The following TRIM16 variants were observed in gnomAD, a reference collection of about 807,000 sequenced individuals.
TRIM16 encodes the protein tripartite motif-containing protein 16.
TRIM16 carries 33 observed loss-of-function variants against 50.4 expected under a neutral mutation model. The observed-to-expected ratio is 0.65, with a 90% CI of 0.50 to 0.88. The LOEUF is 0.88. Among genes scored for constraint, TRIM16 ranks in the 40% least tolerant of loss-of-function variants. The probability of loss-of-function intolerance (pLI) is 0.00; values close to 1 mark genes in which losing one functional copy is unlikely to be tolerated. For missense variants in TRIM16, 581 were observed against 686.8 expected (o/e 0.85, Z 1.72); for synonymous variants, 229 against 270.7 (o/e 0.85, Z 1.51).
chr17:15,654,176 C>T (rs760055698), intron 6 of TRIM16: 3 of 152,140 alleles, frequency 2.0e-5, no homozygotes, highest in Admixed American at 6.5e-5. Flanking sequence ...TTCAGAAATC[C>T]GAGAGACCTA....
Position 15,631,647 on chromosome 17 carries a change from C to T in TRIM16, c.1083G>A (p.Glu361=). Residue 361 remains glutamate (E), a synonymous_variant, in exon 11 of 12, where the codon GAG becomes GAA. Coordinates refer to ENST00000649191, the MANE Select transcript of TRIM16 (RefSeq NM_001348119.1). ...GGAGGAACTGTTCCCTGGTGCTGGG[C>T]TCAGGTTTGGAAGTCCAATATTTGC... The part of the protein sequence containing the change: ...VQRKYWTSKP[E]PSTREQFLQY... 2 of 1,613,902 alleles carry T rather than the reference C, an allele frequency of 1.2e-6. No homozygotes were observed. Among genetic ancestry groups the T allele is most frequent in the Admixed American group, 1.7e-5 (1 of 60,016 alleles).
rs1466136768 is a variant in TRIM16, at chr17:15,629,026, C to A, written c.1284G>T (p.Arg428Ser). The change falls in exon 12 of 12, where the codon AGG (arginine) becomes AGT (serine). Residue 428 changes from arginine (R) to serine (S), a missense_variant. This residue lies in a region of TRIM16 where 450 missense variants were observed against 544.3 expected (regional missense o/e 0.83). Coordinates refer to ENST00000649191, the MANE Select transcript of TRIM16 (RefSeq NM_001348119.1). ...VLSQQSLYLH[R>S]YYFEVEIFGA... ...CGAAGATCTCCACCTCAAAATAGTA[C>A]CTGTGCAGGTACAGACTCTGCTGGG... 6 of 1,614,104 alleles carry A rather than the reference C, an allele frequency of 3.7e-6. No homozygotes were observed. The highest frequency in any genetic ancestry group is 5.1e-6 in the Non-Finnish European group (6 of 1,180,008).
intron 6 of TRIM16, among the ~76,000 whole-genome samples, chr17:15,667,532 CTTT>C (rs952338617): frequency 6.6e-6 from 1 of 151,258 alleles, no homozygotes; most frequent in Non-Finnish European, 1.5e-5. Context: ...GCAGAAGTAG[CTTT>C]TTTTTTCCCC....
chr17:15,670,915 A>C (rs1190650538), intron 6 of TRIM16, among the ~76,000 whole-genome samples: 17 of 152,268 alleles, frequency 1.1e-4, no homozygotes, highest in African/African-American at 3.9e-4. Context: ...ATATTGTCTA[A>C]TGTCTTCCCA....
chr17:15,665,083 C>T (rs1387805591), intron 6 of TRIM16, among the ~76,000 whole-genome samples: 3 of 151,128 alleles, frequency 2.0e-5, no homozygotes, highest in Admixed American at 2.0e-4. Context: ...TACTGTAAAC[C>T]ACCTGCTCAA....
rs906790202 is a variant in TRIM16 at position 15,641,568 on chromosome 17, G to T, written c.615+1153C>A. Among the ~76,000 whole-genome samples, 4 of 149,044 alleles carry T rather than the reference G, an allele frequency of 2.7e-5. 1 individual carries two copies. The East Asian group carries it at 8.1e-4, about 30-fold the overall frequency. On this transcript the variant is annotated intron_variant, in intron 8 of 11. Transcript: ENST00000649191. ...ACAAGACCCTCCATGTGGTTCTACA[G>T]GTTATCTTGAGCCTGGAAATCCATT...
chr17:15,677,335 T>C, intron 5 of TRIM16, 55 bp from the exon 6 acceptor site: 4 of 966,754 alleles, frequency 4.1e-6, no homozygotes, highest in Non-Finnish European at 4.9e-6. Context: ...AGGACCACTC[T>C]ATTCTCAGTC....
At chr17:15,663,725 C>A (rs965412800) in intron 6 of TRIM16, among the ~76,000 whole-genome samples, 6 of 152,208 alleles carry the variant, frequency 3.9e-5, no homozygotes, top group African/African-American at 1.4e-4. Flanking sequence ...TGTCTCCTTA[C>A]AGCTTGGGGT....
chr17:15,656,023 T>A (rs1380431624), intron 6 of TRIM16, among the ~76,000 whole-genome samples: 1 of 152,174 alleles, frequency 6.6e-6, no homozygotes, highest in Non-Finnish European at 1.5e-5. Flanking sequence ...GGAGACGGCA[T>A]CATGCTCAGG....
rs138041144 is a variant in TRIM16 at position 15,641,451 on chromosome 17, T to C, written c.615+1270A>G. The stretch of plus-strand genomic sequence containing the variant: ...ATGTCTTCATGCCCCTTGTGCATGG[T>C]AGCTATTGTAATAACTACCTCCCCT... On this transcript the variant is annotated intron_variant, in intron 8 of 11. Coordinates refer to ENST00000649191, the MANE Select transcript of TRIM16 (RefSeq NM_001348119.1). 8.5e-3 allele frequency among the ~76,000 whole-genome samples: 1,268 copies of C among 148,988 alleles called. 104 individuals carry two copies. The highest frequency in any genetic ancestry group is 0.03 in the African/African-American group (1,193 of 40,262).
In TRIM16 at chr17:15,638,258, T is replaced by TAAAA. The variant is rs535590168; in HGVS notation, c.616-1993_616-1990dup. ...AGAATTATCAATAAAAAAATAAATT[T>TAAAA]AAAAAAAAAAAAAAAAAAGAATTGG... On this transcript the variant is annotated intron_variant, in intron 8 of 11. Transcript: ENST00000649191. Among the ~76,000 whole-genome samples, 140 of 115,054 alleles carry TAAAA rather than the reference T, an allele frequency of 1.2e-3. 5 individuals are homozygous for TAAAA. Among genetic ancestry groups the TAAAA allele is most frequent in the Non-Finnish European group, 1.2e-3 (65 of 55,778 alleles). 75.5% of individuals were successfully genotyped at this position (115,054 alleles called of 152,430 possible).
Position 15,635,729 on chromosome 17 carries a change from A to G in TRIM16, c.849+307T>C, listed in dbSNP as rs376302244. Among the ~76,000 whole-genome samples the G allele has an allele frequency of 1.5e-4, 18 of 122,988 alleles. 1 individual carries two copies. The East Asian group carries it at 3.8e-3, about 26-fold the overall frequency. 80.7% of individuals were successfully genotyped at this position (122,988 alleles called of 152,430 possible). ...CCTATTAAAGTACCTTGGCTCCCCAAATCAGCTGTGCTTCCTCAAACCTCT... is the reference window on the plus strand; with the variant it reads ...CCTATTAAAGTACCTTGGCTCCCCAGATCAGCTGTGCTTCCTCAAACCTCT... On this transcript the variant is annotated intron_variant, in intron 9 of 11. Coordinates refer to ENST00000649191, the MANE Select transcript of TRIM16 (RefSeq NM_001348119.1).
At chr17:15,676,951 G>T (rs564235455) in intron 6 of TRIM16, among the ~76,000 whole-genome samples, 1 of 152,290 alleles carries the variant, frequency 6.6e-6, no homozygotes, top group African/African-American at 2.4e-5. Context: ...TCAGGATGAG[G>T]CACAAAGCTG....
rs1377836491 is a variant in TRIM16, at chr17:15,641,609, T to C, written c.615+1112A>G. ...GAAATCCATTATCTCTGAAGGTTTA[T>C]AAGGCTTTAAAGGGATAATTCTCTT... On this transcript the variant is annotated intron_variant, in intron 8 of 11. Transcript: ENST00000649191. 4.7e-5 allele frequency among the ~76,000 whole-genome samples: 7 copies of C among 149,232 alleles called. No individual in the cohort carries two copies. The South Asian group carries it at 6.5e-4, about 14-fold the overall frequency.
intron 8 of TRIM16, among the ~76,000 whole-genome samples, chr17:15,638,260 A>T (rs1214144002): frequency 3.2e-5 from 4 of 126,698 alleles, no homozygotes; most frequent in Non-Finnish European, 7.0e-5. Context: ...AATAAATTTA[A>T]AAAAAAAAAA....
intron 7 of TRIM16, among the ~76,000 whole-genome samples, chr17:15,645,667 CTG>C (rs1987337424): frequency 6.6e-6 from 1 of 152,206 alleles, no homozygotes. Flanking sequence ...AGAGCATAAA[CTG>C]TCTCTCCATT....
intron 6 of TRIM16, among the ~76,000 whole-genome samples, chr17:15,668,192 C>T (rs1200510134): frequency 6.6e-6 from 1 of 152,200 alleles, no homozygotes; most frequent in Non-Finnish European, 1.5e-5. Flanking sequence ...GCTATCTGTG[C>T]CATGGTTGGA....
In TRIM16 at chr17:15,641,164, C is replaced by T. The variant is rs575611992; in HGVS notation, c.615+1557G>A. ...GCCTGGCCCTCATTCCTAAACCCTCCCATTGAGAAACACTTCTTTCTTGCA... is the reference window on the plus strand; with the variant it reads ...GCCTGGCCCTCATTCCTAAACCCTCTCATTGAGAAACACTTCTTTCTTGCA... On this transcript the variant is annotated intron_variant, in intron 8 of 11. Coordinates refer to ENST00000649191, the MANE Select transcript of TRIM16 (RefSeq NM_001348119.1). Among the ~76,000 whole-genome samples the T allele has an allele frequency of 2.0e-5, 3 of 147,788 alleles. 1 individual carries two copies. In the South Asian group the frequency reaches 6.6e-4, roughly 33 times the overall value.
intron 7 of TRIM16, among the ~76,000 whole-genome samples, chr17:15,645,590 C>G (rs1008723289): frequency 1.4e-5 from 2 of 145,326 alleles, no homozygotes; most frequent in African/African-American, 5.7e-5. Flanking sequence ...AAAAGAATCG[C>G]TTTCACTGCT....
Sources: gnomAD v4.1 joint callset for allele counts (sites outside exome capture counted in the v4.1 genomes callset) on GRCh38, gnomAD v4.1.1 for gene constraint, gnomAD v4.1.1 regional missense constraint, MANE v1.5 for transcripts, NCBI Gene and HGNC (gene_info 2026-07-23, HGNC 2026-07-21) for gene names.